Variants in RFX3 observed in about 807,000 individuals in gnomAD.
RFX3 encodes the protein transcription factor RFX3.
RFX3 carries 14 observed loss-of-function variants against 98.6 expected under a neutral mutation model. The observed-to-expected ratio is 0.14, with a 90% CI of 0.09 to 0.22. The LOEUF (loss-of-function observed/expected upper bound fraction) is 0.22, where lower values mean the gene tolerates loss of function less well. Ranked by LOEUF, RFX3 falls within the 10% of genes least tolerant of loss-of-function variation. The pLI, the probability that RFX3 is intolerant of heterozygous loss-of-function variation, is 1.00. For synonymous variants in RFX3, 383 were observed against 328.4 expected (o/e 1.17, Z -1.80); for missense variants, 639 against 926.9 (o/e 0.69, Z 4.03).
At chr9:3,427,354 T>A (rs150387288) in intron 1 of RFX3, among the ~76,000 whole-genome samples, 8 of 139,876 alleles carry the variant, frequency 5.7e-5, no homozygotes, top group African/African-American at 1.4e-4. Flanking sequence ...TACATAATAC[T>A]ATATATAAAT....
intron 15 of RFX3, among the ~76,000 whole-genome samples, chr9:3,234,830 A>G (rs493667): frequency 0.81 from 123,119 of 152,180 alleles, 51,483 homozygotes; most frequent in East Asian, 0.97. Flanking sequence ...GGAACAGAAG[A>G]TTTTTATCTT....
At chr9:3,317,959 T>C (rs1248526148) in intron 4 of RFX3, among the ~76,000 whole-genome samples, 4 of 152,204 alleles carry the variant, frequency 2.6e-5, no homozygotes, top group East Asian at 1.9e-4. Flanking sequence ...TGAAAGACAG[T>C]GTGGCGATTC....
chr9:3,465,584 G>C (rs551154313), intron 1 of RFX3, among the ~76,000 whole-genome samples: 2 of 151,476 alleles, frequency 1.3e-5, no homozygotes, highest in Admixed American at 1.3e-4. Context: ...GATTACAAGC[G>C]TGAGCCGCTG....
chr9:3,273,066 C>T (rs1824713268), intron 9 of RFX3, among the ~76,000 whole-genome samples: 5 of 152,102 alleles, frequency 3.3e-5, no homozygotes, highest in Admixed American at 3.3e-4. Context: ...ATGAATAAAA[C>T]ATTTTATCAT....
chr9:3,499,538 T>C (rs558899527), intron 1 of RFX3, among the ~76,000 whole-genome samples: 4 of 152,182 alleles, frequency 2.6e-5, no homozygotes, highest in Admixed American at 2.6e-4. Context: ...GATAGCATTA[T>C]TTGAATGTAA....
chr9:3,326,807 A>G (rs1193676800), intron 4 of RFX3, among the ~76,000 whole-genome samples: 1 of 152,174 alleles, frequency 6.6e-6, no homozygotes, highest in East Asian at 1.9e-4. Flanking sequence ...ACTGGGTAAC[A>G]GTGTTTGCTT....
At chr9:3,356,954 T>TAACACACGCACACAC (rs565007240) in intron 2 of RFX3, among the ~76,000 whole-genome samples, 4 of 131,364 alleles carry the variant, frequency 3.0e-5, no homozygotes, top group African/African-American at 1.4e-4. Context: ...CACACACACA[T>TAACACACGCACACAC]ACACACATGC....
intron 14 of RFX3, among the ~76,000 whole-genome samples, chr9:3,249,232 T>C (rs1821072341): frequency 6.6e-6 from 1 of 152,162 alleles, no homozygotes; most frequent in Admixed American, 6.5e-5. Flanking sequence ...ACTTTTGTTT[T>C]CTGTTTCATT....
At chr9:3,399,940 C>T (rs551717437) in intron 1 of RFX3, among the ~76,000 whole-genome samples, 1 of 148,146 alleles carries the variant, frequency 6.8e-6, no homozygotes, top group South Asian at 2.1e-4. Flanking sequence ...CAGAGCAAGA[C>T]TCCGTCTCAA....
At position 3,398,585 on chromosome 9, in the gene RFX3, G is replaced by A. The variant is rs564295112; in HGVS notation, c.-8-2989C>T. Among the ~76,000 whole-genome samples the A allele has an allele frequency of 3.7e-4, 56 of 152,234 alleles. 1 individual carries two copies. The highest frequency in any genetic ancestry group is 6.0e-4 in the African/African-American group (25 of 41,556). ...TTAGTGTACAGATGAGGAAGACAGCGTTGCCAGTTATAGCTTCTCCTTTAA... is the reference window on the plus strand; with the variant it reads ...TTAGTGTACAGATGAGGAAGACAGCATTGCCAGTTATAGCTTCTCCTTTAA... On this transcript the variant is annotated intron_variant, in intron 1 of 16. Coordinates refer to ENST00000617270, the MANE Select transcript of RFX3 (RefSeq NM_001282116.2).
At chr9:3,322,064 C>G (rs1831384241) in intron 4 of RFX3, among the ~76,000 whole-genome samples, 1 of 152,012 alleles carries the variant, frequency 6.6e-6, no homozygotes. Flanking sequence ...TTGTTTCCCT[C>G]CACCCCATCC....
In RFX3 at chr9:3,346,022, T is replaced by A. The variant is rs543308406; in HGVS notation, c.215+645A>T. Among the ~76,000 whole-genome samples, 6 of 152,244 alleles carry A rather than the reference T, an allele frequency of 3.9e-5. No homozygotes were observed. The East Asian group carries it at 5.8e-4, about 15-fold the overall frequency. ...ACAGGTTGCAAACAAAAAACCCAAT[T>A]TGGAAACAATCCTTGCGACTTACAA... On this transcript the variant is annotated intron_variant, in intron 3 of 16. Transcript: ENST00000617270.
chr9:3,319,662 G>A (rs1483919012), intron 4 of RFX3, among the ~76,000 whole-genome samples: 1 of 152,134 alleles, frequency 6.6e-6, no homozygotes, highest in Non-Finnish European at 1.5e-5. Context: ...TGGCAAGAAA[G>A]TAGTTGAAAC....
At chr9:3,449,733 G>C (rs755370936) in intron 1 of RFX3, among the ~76,000 whole-genome samples, 2 of 151,864 alleles carry the variant, frequency 1.3e-5, no homozygotes, top group East Asian at 3.9e-4. Context: ...CATATCTGTA[G>C]TCCCAGCCAC....
chr9:3,436,507 T>C (rs975630569), intron 1 of RFX3, among the ~76,000 whole-genome samples: 4 of 152,074 alleles, frequency 2.6e-5, no homozygotes, highest in African/African-American at 9.7e-5. Flanking sequence ...AGAGTATTTA[T>C]GTCAAAACTA....
At chr9:3,408,278 T>C (rs1209281243) in intron 1 of RFX3, among the ~76,000 whole-genome samples, 1 of 152,152 alleles carries the variant, frequency 6.6e-6, no homozygotes, top group African/African-American at 2.4e-5. Context: ...AGGAAGGCTG[T>C]ATAGGCCAAA....
At chr9:3,361,099 G>C (rs1360736347) in intron 2 of RFX3, among the ~76,000 whole-genome samples, 1 of 152,130 alleles carries the variant, frequency 6.6e-6, no homozygotes, top group East Asian at 1.9e-4. Flanking sequence ...AAATAGGAGA[G>C]CTCTTAGCAG....
chr9:3,514,609 C>A (rs983888133), intron 1 of RFX3, among the ~76,000 whole-genome samples: 1 of 152,076 alleles, frequency 6.6e-6, no homozygotes, highest in South Asian at 2.1e-4. Context: ...CCACTGCACC[C>A]GGCTAATTTT....
At chr9:3,290,254 G>A (rs575349381) in intron 6 of RFX3, among the ~76,000 whole-genome samples, 1 of 151,362 alleles carries the variant, frequency 6.6e-6, no homozygotes, top group Non-Finnish European at 1.5e-5. Context: ...GTTGGGGGTG[G>A]GAGGAACCCA....
Sources: allele counts gnomAD v4.1 joint callset (sites outside exome capture counted in the v4.1 genomes callset), GRCh38; gene constraint gnomAD v4.1.1; transcripts MANE v1.5; gene names NCBI Gene and HGNC (gene_info 2026-07-23, HGNC 2026-07-21).